The following ZNF892 variants were observed in gnomAD, a reference collection of about 807,000 sequenced individuals.
ZNF892 encodes zinc finger protein 892, also known as zinc finger protein 570-like.
chr2:95,207,879 G>A, the ZNF892 span: 1 of 398,714 alleles, frequency 2.5e-6, no homozygotes, highest in East Asian at 3.6e-5. Context: ...GCTGCAGAGG[G>A]AGAAAGGGAG....
the ZNF892 span, among the ~76,000 whole-genome samples, chr2:95,261,885 G>A: frequency 2.6e-5 from 4 of 152,196 alleles, no homozygotes; most frequent in South Asian, 2.1e-4. Context: ...AGGCTGGTAG[G>A]AATGGGCCCC....
chr2:95,237,569 A>G, the ZNF892 span, among the ~76,000 whole-genome samples: 33 of 152,148 alleles, frequency 2.2e-4, no homozygotes, highest in African/African-American at 7.7e-4. Context: ...TAACCCTACA[A>G]TGGCCTCTAA....
the ZNF892 span, chr2:95,211,508 C>T: frequency 5.1e-6 from 2 of 395,644 alleles, no homozygotes; most frequent in East Asian, 7.1e-5. Flanking sequence ...TGTTGTCTGT[C>T]CTTTTTTTAT....
At chr2:95,253,201 G>A in the ZNF892 span, among the ~76,000 whole-genome samples, 9 of 152,064 alleles carry the variant, frequency 5.9e-5, no homozygotes, top group African/African-American at 1.9e-4. Flanking sequence ...TTTCTTCTAG[G>A]GTTTTTATGG....
At chr2:95,214,385 T>C in the ZNF892 span, 1 of 398,446 alleles carries the variant, frequency 2.5e-6, no homozygotes, top group African/African-American at 2.1e-5. Context: ...AGAAGGATAT[T>C]TCTGAAGAAG....
chr2:95,238,485 A>G, the ZNF892 span, among the ~76,000 whole-genome samples: 1 of 152,218 alleles, frequency 6.6e-6, no homozygotes, highest in African/African-American at 2.4e-5. Flanking sequence ...GAGATGCACA[A>G]GGAGATTAAT....
the ZNF892 span, among the ~76,000 whole-genome samples, chr2:95,251,602 C>T: frequency 1.3e-5 from 2 of 152,220 alleles, no homozygotes; most frequent in Non-Finnish European, 2.9e-5. Context: ...GCAAGGAAGG[C>T]TGAGACGGCA....
At chr2:95,249,209 G>A in the ZNF892 span, among the ~76,000 whole-genome samples, 1 of 71,262 alleles carries the variant, frequency 1.4e-5, no homozygotes, top group Non-Finnish European at 2.8e-5. Flanking sequence ...ATATATGTAT[G>A]TATATATATA....
the ZNF892 span, among the ~76,000 whole-genome samples, chr2:95,239,143 G>GAA: frequency 1.8e-5 from 1 of 55,624 alleles, no homozygotes; most frequent in African/African-American, 8.4e-5. Context: ...CCGTCTCAAA[G>GAA]GAAAAAAAAA....
the ZNF892 span, among the ~76,000 whole-genome samples, chr2:95,226,202 A>T: frequency 1.2e-4 from 19 of 152,348 alleles, no homozygotes; most frequent in African/African-American, 4.1e-4. Context: ...TGTTCATGAC[A>T]TCCTTGGAAA....
the ZNF892 span, among the ~76,000 whole-genome samples, chr2:95,227,510 G>A: frequency 1.4e-3 from 206 of 150,346 alleles, no homozygotes; most frequent in African/African-American, 4.8e-3. Flanking sequence ...TTTTTGTAGA[G>A]ACAGGGTTTT....
the ZNF892 span, among the ~76,000 whole-genome samples, chr2:95,217,637 A>G: frequency 1.3e-5 from 2 of 152,240 alleles, no homozygotes; most frequent in South Asian, 4.1e-4. Context: ...GAAATAGGAA[A>G]GTAGGAGGAG....
At chr2:95,246,155 AG>A in the ZNF892 span, among the ~76,000 whole-genome samples, 1 of 152,232 alleles carries the variant, frequency 6.6e-6, no homozygotes, top group Non-Finnish European at 1.5e-5. Context: ...CACATCAAAA[AG>A]GTTATCCACG....
At chr2:95,219,052 G>T in the ZNF892 span, among the ~76,000 whole-genome samples, 1 of 152,110 alleles carries the variant, frequency 6.6e-6, no homozygotes, top group South Asian at 2.1e-4. Flanking sequence ...AGGCTGGAGT[G>T]CAGTGGCGCG....
At chr2:95,231,356 T>C in the ZNF892 span, among the ~76,000 whole-genome samples, 1 of 152,214 alleles carries the variant, frequency 6.6e-6, no homozygotes, top group Non-Finnish European at 1.5e-5. Flanking sequence ...CACTGATCTA[T>C]AGTGACAGAA....
At chr2:95,212,124 A>G in the ZNF892 span, 2 of 398,072 alleles carry the variant, frequency 5.0e-6, no homozygotes, top group Non-Finnish European at 8.9e-6. Context: ...CTCTCTTACC[A>G]TGTTCCTAAA....
At chr2:95,227,095 C>A in the ZNF892 span, among the ~76,000 whole-genome samples, 1 of 147,720 alleles carries the variant, frequency 6.8e-6, no homozygotes, top group Non-Finnish European at 1.5e-5. Context: ...GCTCCTCTCT[C>A]CTCCCTCCCC....
At chr2:95,228,515 ATGT>A in the ZNF892 span, among the ~76,000 whole-genome samples, 76 of 152,350 alleles carry the variant, frequency 5.0e-4, 1 homozygote, top group South Asian at 8.5e-3. Context: ...CTTTGTTCAC[ATGT>A]TGTCCAAATT....
chr2:95,214,199 G>A, the ZNF892 span: 214 of 395,484 alleles, frequency 5.4e-4, no homozygotes, highest in Non-Finnish European at 8.2e-4. Context: ...ATTTTTGAGA[G>A]CTTTCAAGTT....
Sources: gnomAD v4.1 joint callset for allele counts (sites outside exome capture counted in the v4.1 genomes callset) on GRCh38, gnomAD v4.1.1 for gene constraint, MANE v1.5 for transcripts, NCBI Gene and HGNC (gene_info 2026-07-23, HGNC 2026-07-21) for gene names.